DMD: variants seen among roughly 807,000 people sequenced by gnomAD.
DMD encodes the protein dystrophin, also known as mutant dystrophin.
In DMD, 63 loss-of-function variants were observed where a neutral mutation model predicts 330.1. The ratio of observed to expected loss-of-function variants is 0.19; its 90% CI spans 0.16 to 0.24. DMD has a LOEUF of 0.24. DMD is among the 10% of genes least tolerant of loss of function. The pLI is 1.00. For missense variants in DMD, 3,344 were observed against 2,684.1 expected, an observed-to-expected ratio of 1.25 and a Z score of -5.43; for synonymous variants, 1,223 against 959.8, an observed-to-expected ratio of 1.27 and a Z score of -5.07.
chrX:31,492,391 G>A (rs1203814613), intron 57 of DMD, among the ~76,000 whole-genome samples: 2 of 111,805 alleles, frequency 1.8e-5, no homozygotes, highest in Non-Finnish European at 3.8e-5. Flanking sequence ...ATATATGAAA[G>A]GGCTACCACA....
At chrX:31,184,129 G>A (rs2041480371) in intron 67 of DMD, among the ~76,000 whole-genome samples, 1 of 111,183 alleles carries the variant, frequency 9.0e-6, no homozygotes, top group African/African-American at 3.3e-5. Context: ...GGCAGGTCTC[G>A]AACTCCTGAC....
chrX:32,717,604 C>T (rs1428448522), intron 7 of DMD, among the ~76,000 whole-genome samples: 8 of 111,773 alleles, frequency 7.2e-5, no homozygotes, highest in Non-Finnish European at 1.5e-4. Context: ...AGCTCTCACA[C>T]AGAGTCCCCA....
At chrX:32,178,761 C>T (rs1030513783) in intron 44 of DMD, among the ~76,000 whole-genome samples, 45 of 109,587 alleles carry the variant, frequency 4.1e-4, no homozygotes, top group Non-Finnish European at 8.0e-4. Context: ...GCATAAGGTC[C>T]TCCAGGTCCA....
At chrX:33,056,922 T>C (rs188149460) in intron 1 of DMD, among the ~76,000 whole-genome samples, 10 of 111,723 alleles carry the variant, frequency 9.0e-5, no homozygotes, top group Admixed American at 2.9e-4. Flanking sequence ...ATTATTATAC[T>C]GATGAGATTT....
At chrX:32,877,899 T>C (rs1015708156) in intron 2 of DMD, among the ~76,000 whole-genome samples, 2 of 111,962 alleles carry the variant, frequency 1.8e-5, no homozygotes, top group Non-Finnish European at 3.8e-5. Flanking sequence ...GCTCCTTGCA[T>C]GATTTCTTCC....
chrX:32,302,613 A>T (rs1344213972), intron 42 of DMD, among the ~76,000 whole-genome samples: 1 of 111,859 alleles, frequency 8.9e-6, no homozygotes, highest in Admixed American at 9.5e-5. Flanking sequence ...AGATATAAAT[A>T]TGCAATTTTA....
In DMD at chrX:32,833,215, G is replaced by C. The variant is rs767315930; in HGVS notation, c.265-9828C>G. On this transcript the variant is annotated intron_variant, in intron 4 of 78. Coordinates refer to ENST00000357033, the MANE Select transcript of DMD (RefSeq NM_004006.3). ...TTTATGATCACTCTGATACATTGCAGGAGAATTATTTTTAATGGAGTCATG... is the reference window on the plus strand; with the variant it reads ...TTTATGATCACTCTGATACATTGCACGAGAATTATTTTTAATGGAGTCATG... Among the ~76,000 whole-genome samples, 7 of 111,203 alleles carry C rather than the reference G, an allele frequency of 6.3e-5. No homozygotes were observed. The East Asian group carries it at 2.0e-3, about 31-fold the overall frequency.
At chrX:31,780,889 G>C (rs768530676) in intron 50 of DMD, among the ~76,000 whole-genome samples, 104 of 111,353 alleles carry the variant, frequency 9.3e-4, no homozygotes, top group Non-Finnish European at 1.6e-3. Context: ...CTCTACATAG[G>C]CAAGGCCGGA....
In DMD at chrX:32,719,405, T is replaced by G. The variant is rs187890535; in HGVS notation, c.650-20112A>C. Among the ~76,000 whole-genome samples the G allele has an allele frequency of 9.3e-4, 104 of 111,658 alleles. 1 individual carries two copies. The East Asian group carries it at 0.012, about 12-fold the overall frequency. ...ATCAATTTGTTTCTCTGTGTGAGTG[T>G]AGGGTGATGAAGAATGAAGTAGATG... is the stretch of plus-strand genomic sequence containing the variant. On this transcript the variant is annotated intron_variant, in intron 7 of 78. Transcript: ENST00000357033.
chrX:31,393,586 C>T (rs951981574), intron 60 of DMD, among the ~76,000 whole-genome samples: 2 of 110,247 alleles, frequency 1.8e-5, no homozygotes, highest in African/African-American at 6.6e-5. Context: ...ACATCATCAT[C>T]GTCATCATCA....
intron 55 of DMD, among the ~76,000 whole-genome samples, chrX:31,532,033 A>C (rs1365292943): frequency 5.2e-4 from 44 of 84,404 alleles, no homozygotes; most frequent in African/African-American, 1.9e-3. Context: ...AGTGATGTGG[A>C]GAATGGAACC....
chrX:32,008,445 G>A lies in DMD; in HGVS notation c.6439-39931C>T, dbSNP rs191856176. Reference sequence around the variant, plus strand: ...AGTATGAGTAGTACCTATTTTACAGGTGAGGTAATTGAGGATCATAGGATT... The same window carrying A: ...AGTATGAGTAGTACCTATTTTACAGATGAGGTAATTGAGGATCATAGGATT... On this transcript the variant is annotated intron_variant, in intron 44 of 78. Coordinates refer to ENST00000357033, the MANE Select transcript of DMD (RefSeq NM_004006.3). Among the ~76,000 whole-genome samples the A allele has an allele frequency of 2.5e-3, 274 of 111,064 alleles. 1 individual carries two copies. Among genetic ancestry groups the A allele is most frequent in the African/African-American group, 8.8e-3 (270 of 30,578 alleles).
chrX:31,169,291 AAGAG>A (rs1019371162), intron 74 of DMD, 148 bp downstream of exon 74: 4 of 448,490 alleles, frequency 8.9e-6, no homozygotes, highest in African/African-American at 5.0e-5. Flanking sequence ...AAAAAAAAAA[AAGAG>A]AGAGAGAATC....
At chrX:33,156,371 T>C (rs2148647807) in intron 1 of DMD, among the ~76,000 whole-genome samples, 1 of 112,502 alleles carries the variant, frequency 8.9e-6, no homozygotes, top group African/African-American at 3.2e-5. Context: ...GAGTATGCAC[T>C]GGTGGCTAAA....
Position 32,287,622 on chromosome X carries a change from G to A in DMD, c.6197C>T (p.Ala2066Val), listed in dbSNP as rs1452421485. The change falls in exon 43 of 79, where the codon GCA becomes GTA. Residue 2066 changes from alanine (A) to valine (V), a missense_variant. By Grantham distance (64) the Ala-to-Val change is moderately conservative. Coordinates refer to ENST00000357033, the MANE Select transcript of DMD (RefSeq NM_004006.3). ...TAGCTTCACCCTTTCCACAGGCGTT[G>A]CACTTTGCAATGCTGCTGTCTTCTT... ...HSKKTAALQS[A>V]TPVERVKLQE... 2.5e-6 allele frequency: 3 copies of A among 1,208,082 alleles called. No homozygotes were observed. In the African/African-American group the frequency reaches 5.3e-5, roughly 21 times the overall value.
chrX:33,056,505 C>T (rs751165255), intron 1 of DMD, among the ~76,000 whole-genome samples: 1 of 109,967 alleles, frequency 9.1e-6, no homozygotes, highest in Non-Finnish European at 1.9e-5. Context: ...GGACTACAGG[C>T]ATGCGCCACC....
At chrX:31,362,071 G>C (rs941829206) in intron 60 of DMD, among the ~76,000 whole-genome samples, 2 of 112,184 alleles carry the variant, frequency 1.8e-5, no homozygotes, top group Non-Finnish European at 3.8e-5. Flanking sequence ...TCGTTTTCTT[G>C]TCTTTTCCTT....
chrX:31,778,996 T>C (rs2090856649), intron 50 of DMD, among the ~76,000 whole-genome samples: 1 of 111,976 alleles, frequency 8.9e-6, no homozygotes, highest in South Asian at 3.7e-4. Flanking sequence ...TATATGCAAA[T>C]CACCTTTTTC....
At chrX:32,301,164 G>T (rs1179685954) in intron 42 of DMD, among the ~76,000 whole-genome samples, 1 of 101,690 alleles carries the variant, frequency 9.8e-6, no homozygotes, top group African/African-American at 3.6e-5. Flanking sequence ...TTTACACAGG[G>T]GACAGAAAAG....
Sources: allele counts gnomAD v4.1 joint callset (sites outside exome capture counted in the v4.1 genomes callset), GRCh38; gene constraint gnomAD v4.1.1; transcripts MANE v1.5; gene names NCBI Gene and HGNC (gene_info 2026-07-23, HGNC 2026-07-21).